Variants in TACC2 observed in about 807,000 individuals in gnomAD.
TACC2 encodes the protein transforming acidic coiled-coil-containing protein 2.
In TACC2, 137 loss-of-function variants were observed where a neutral mutation model predicts 227.3. The ratio of observed to expected loss-of-function variants is 0.60; its 90% CI spans 0.52 to 0.69. The LOEUF is 0.69. Among genes scored for constraint, TACC2 ranks in the 30% least tolerant of loss-of-function variants. TACC2 has a pLI of 0.00. For synonymous variants in TACC2, 1,523 were observed against 1,487.5 expected (o/e 1.02, Z -0.55); for missense variants, 3,470 against 3,694.4 (o/e 0.94, Z 1.57).
chr10:122,211,250 T>C lies in TACC2; in HGVS notation c.6825T>C (p.Ser2275=), dbSNP rs779612306. 1.2e-5 allele frequency: 20 copies of C among 1,613,814 alleles called. No homozygotes were observed. The highest frequency in any genetic ancestry group is 2.2e-5 in the East Asian group (1 of 44,862). Reference sequence around the variant, plus strand: ...TTGACTATTCTGAGGACAAGAGTAGTTGGGACAACCAGCAGGAAAACCCCC... The same window carrying C: ...TTGACTATTCTGAGGACAAGAGTAGCTGGGACAACCAGCAGGAAAACCCCC... ...LEFDYSEDKS[S]WDNQQENPPP... Residue 2275 remains serine (S), a synonymous_variant, in exon 9 of 23, where the codon AGT becomes AGC. Coordinates refer to ENST00000369005, the MANE Select transcript of TACC2 (RefSeq NM_206862.4).
At chr10:122,124,423 G>A (rs553702661) in intron 5 of TACC2, among the ~76,000 whole-genome samples, 2 of 152,248 alleles carry the variant, frequency 1.3e-5, no homozygotes, top group East Asian at 3.9e-4. Flanking sequence ...CTCCACTGTG[G>A]CACAGGCATT....
chr10:122,159,366 G>A (rs753423726), intron 7 of TACC2, among the ~76,000 whole-genome samples: 3 of 152,206 alleles, frequency 2.0e-5, no homozygotes, highest in Non-Finnish European at 4.4e-5. Flanking sequence ...AGAAAGCCCG[G>A]CACCGCACCA....
intron 5 of TACC2, among the ~76,000 whole-genome samples, chr10:122,128,815 G>A (rs984748487): frequency 3.8e-4 from 58 of 152,050 alleles, no homozygotes; most frequent in Admixed American, 3.6e-3. Flanking sequence ...GAGAATTACC[G>A]TTAACACCTT....
chr10:122,174,083 A>G (rs1211726244), intron 7 of TACC2, among the ~76,000 whole-genome samples: 2 of 152,110 alleles, frequency 1.3e-5, no homozygotes, highest in Non-Finnish European at 2.9e-5. Flanking sequence ...GGCTCGGTGG[A>G]CTGTCCAAGG....
intron 5 of TACC2, among the ~76,000 whole-genome samples, chr10:122,110,275 G>C: frequency 1.3e-5 from 2 of 152,138 alleles, no homozygotes; most frequent in Middle Eastern, 3.4e-3. Flanking sequence ...TCCCAAGACC[G>C]CACAAGCCTG....
chr10:122,229,419 G>A lies in TACC2; in HGVS notation c.7970G>A (p.Gly2657Asp), dbSNP rs775373741. 1 of 1,613,782 alleles carries A rather than the reference G, an allele frequency of 6.2e-7. No homozygotes were observed. The highest frequency in any genetic ancestry group is 1.3e-5 in the African/African-American group (1 of 74,798). ...SRLAHPVSLC[G>D]ALDYLEPDLA... ...CTAGCTCACCCCGTCTCTCTCTGTGGTGCACTTGACTATCTGGAGCCCGAC... is the reference window on the plus strand; with the variant it reads ...CTAGCTCACCCCGTCTCTCTCTGTGATGCACTTGACTATCTGGAGCCCGAC... The change falls in exon 15 of 23, where the codon GGT becomes GAT. Residue 2657 changes from glycine (G) to aspartate (D), a missense_variant. Around this residue, in one of 10 missense-constraint regions of TACC2, gnomAD observed 345 missense variants for 354.4 expected, o/e 0.97. Transcript: ENST00000369005.
intron 18 of TACC2, 35 bp from the exon 19 acceptor site, chr10:122,241,923 G>C (rs2096004648): frequency 1.2e-6 from 2 of 1,607,254 alleles, no homozygotes; most frequent in African/African-American, 2.7e-5. Context: ...CCATTCTGTT[G>C]TCATGACTCC....
chr10:122,230,530 C>A (rs538452561), intron 16 of TACC2, 90 bp downstream of exon 16: 478 of 1,162,100 alleles, frequency 4.1e-4, no homozygotes, highest in Non-Finnish European at 5.2e-4. Flanking sequence ...ATCCGCCAGG[C>A]GGGCATCATC....
intron 8 of TACC2, among the ~76,000 whole-genome samples, chr10:122,208,420 A>C (rs138995264): frequency 1.7e-4 from 26 of 152,308 alleles, no homozygotes; most frequent in African/African-American, 5.3e-4. Flanking sequence ...AAGCTTGGTA[A>C]GCACTCTGCA....
chr10:122,249,800 C>T, intron 22 of TACC2, 136 bp downstream of exon 22: 3 of 1,112,206 alleles, frequency 2.7e-6, no homozygotes, highest in Admixed American at 5.8e-5. Flanking sequence ...TGAGCATACC[C>T]TTGGTTCCTT....
At chr10:122,032,687 C>T (rs75670246) in intron 2 of TACC2, among the ~76,000 whole-genome samples, 23,027 of 152,072 alleles carry the variant, frequency 0.15, 2,147 homozygotes, top group Admixed American at 0.23. Flanking sequence ...TGGCCAGGCA[C>T]GGTGGCTCAC....
chr10:122,062,325 G>A (rs555150955), intron 3 of TACC2, among the ~76,000 whole-genome samples: 1 of 151,806 alleles, frequency 6.6e-6, no homozygotes, highest in Non-Finnish European at 1.5e-5. Flanking sequence ...GAGCCACCAC[G>A]CCTGGAGTTT....
intron 2 of TACC2, among the ~76,000 whole-genome samples, chr10:122,048,519 A>G (rs2075318044): frequency 7.9e-6 from 1 of 127,350 alleles, no homozygotes; most frequent in African/African-American, 3.1e-5. Flanking sequence ...CCTTTCCCCT[A>G]TTTGTTTCTG....
In TACC2 at chr10:122,132,613, C is replaced by T. The variant is rs1215713065; in HGVS notation, c.5578C>T (p.Pro1860Ser). The T allele has an allele frequency of 1.9e-6, 3 of 1,614,196 alleles. No homozygotes were observed. In the East Asian group the frequency reaches 6.7e-5, roughly 36 times the overall value. ...CTTTCCCTTTTCTCTCCCCAGTTCA[C>T]CTGTGGCAGATGATATCATCCAGCC... is the stretch of plus-strand genomic sequence containing the variant. ...TRGAEGTESS[P>S]VADDIIQPAA... Residue 1860 changes from proline to serine, a missense_variant, in exon 6 of 23, where the codon CCT (proline) becomes TCT (serine). Physicochemically the swap from Pro to Ser is moderately conservative, Grantham distance 74 (BLOSUM62 -1). Transcript: ENST00000369005.
chr10:122,131,824 C>A (rs2088174454), intron 5 of TACC2, among the ~76,000 whole-genome samples: 2 of 151,660 alleles, frequency 1.3e-5, no homozygotes, highest in Admixed American at 1.3e-4. Flanking sequence ...GAGTTTGAGA[C>A]CAGCCTGGCC....
intron 6 of TACC2, among the ~76,000 whole-genome samples, chr10:122,137,437 C>G (rs2089881775): frequency 6.6e-6 from 1 of 151,938 alleles, no homozygotes; most frequent in African/African-American, 2.4e-5. Context: ...GAGCTGAGAC[C>G]AGGCTGAGAG....
chr10:122,085,984 A>T lies in TACC2; in HGVS notation c.3484A>T (p.Thr1162Ser). 1 of 1,613,996 alleles carries T rather than the reference A, an allele frequency of 6.2e-7. No homozygotes were observed. Among genetic ancestry groups the T allele is most frequent in the Non-Finnish European group, 8.5e-7 (1 of 1,180,014 alleles). Residue 1162 changes from threonine (T) to serine (S), a missense_variant, in exon 4 of 23, where the codon ACT becomes TCT. By Grantham distance (58) the Thr-to-Ser change is moderately conservative (BLOSUM62 1). Around this residue, in one of 10 missense-constraint regions of TACC2, gnomAD observed 1,924 missense variants for 1,978.3 expected, o/e 0.97. Coordinates refer to ENST00000369005, the MANE Select transcript of TACC2 (RefSeq NM_206862.4). The part of the protein sequence containing the change: ...EATLSCGLLQ[T>S]EHCLTSGEEA... ...TACTTTGAGTTGTGGCCTCCTTCAG[A>T]CTGAGCACTGCCTTACCTCCGGGGA...
At chr10:122,134,690 G>A (rs990489042) in intron 6 of TACC2, among the ~76,000 whole-genome samples, 1 of 152,154 alleles carries the variant, frequency 6.6e-6, no homozygotes, top group Non-Finnish European at 1.5e-5. Flanking sequence ...GCCTCTGGCT[G>A]TAGCCAATGG....
rs1260795730 is a variant in TACC2, at chr10:122,086,579, A to G, written c.4079A>G (p.Glu1360Gly). 4 of 1,598,694 alleles carry G rather than the reference A, an allele frequency of 2.5e-6. No individual in the cohort carries two copies. The highest frequency in any genetic ancestry group is 3.4e-6 in the Non-Finnish European group (4 of 1,172,442). ...GGTGCAGGTGCCAAGGCCAGTGGGG[A>G]GGGCATGGCAGGTGATGCAGCAGGA... is the stretch of plus-strand genomic sequence containing the variant. ...APGAGAKASG[E>G]GMAGDAAGET... is the part of the protein sequence containing the mutation. The change falls in exon 4 of 23, where the codon GAG (glutamate) becomes GGG (glycine). Residue 1360 changes from glutamate to glycine, a missense_variant. Coordinates refer to ENST00000369005, the MANE Select transcript of TACC2 (RefSeq NM_206862.4).
Sources: gnomAD v4.1 joint callset for allele counts (sites outside exome capture counted in the v4.1 genomes callset) on GRCh38, gnomAD v4.1.1 for gene constraint, gnomAD v4.1.1 regional missense constraint, MANE v1.5 for transcripts, NCBI Gene and HGNC (gene_info 2026-07-23, HGNC 2026-07-21) for gene names.